LINGO2: variants seen among roughly 807,000 people sequenced by gnomAD.
LINGO2 encodes leucine-rich repeat and immunoglobulin-like domain-containing nogo receptor-interacting protein 2.
LINGO2 carries 14 observed loss-of-function variants against 30.6 expected under a neutral mutation model. That is an observed-to-expected ratio of 0.46 (90% CI 0.30 to 0.72). The LOEUF (loss-of-function observed/expected upper bound fraction) is 0.72. Among genes scored for constraint, LINGO2 ranks in the 30% least tolerant of loss-of-function variants. The pLI, the probability that LINGO2 is intolerant of heterozygous loss-of-function variation, is 0.07. For synonymous variants in LINGO2, 317 were observed against 288.5 expected, an observed-to-expected ratio of 1.10 and a Z score of -1.00; for missense variants, 729 against 751.7, an observed-to-expected ratio of 0.97 and a Z score of 0.35.
intron 4 of LINGO2, among the ~76,000 whole-genome samples, chr9:28,283,510 A>G (rs73431308): frequency 0.012 from 1,827 of 152,316 alleles, 49 homozygotes; most frequent in African/African-American, 0.041. Context: ...ATTTTATAGT[A>G]GAGCAAATAG....
At chr9:28,687,021 T>C in the LINGO2 span, among the ~76,000 whole-genome samples, 1 of 152,078 alleles carries the variant, frequency 6.6e-6, no homozygotes. Context: ...TTCAAGACAG[T>C]TACATCATTG....
intron 1 of LINGO2, among the ~76,000 whole-genome samples, chr9:28,622,924 A>G (rs1296561268): frequency 6.6e-6 from 1 of 151,876 alleles, no homozygotes; most frequent in East Asian, 1.9e-4. Flanking sequence ...ATTGATTTGT[A>G]TTTCTCTGAT....
At chr9:28,768,902 T>C in the LINGO2 span, among the ~76,000 whole-genome samples, 24 of 152,060 alleles carry the variant, frequency 1.6e-4, no homozygotes, top group African/African-American at 5.6e-4. Context: ...TATATACACA[T>C]AATGGCAGCA....
the LINGO2 span, among the ~76,000 whole-genome samples, chr9:28,853,805 C>T: frequency 6.6e-6 from 1 of 151,906 alleles, no homozygotes; most frequent in African/African-American, 2.4e-5. Context: ...ATCCAATTAC[C>T]TCCACCTGGT....
chr9:28,483,093 G>T (rs1329201702), intron 1 of LINGO2, among the ~76,000 whole-genome samples: 1 of 152,054 alleles, frequency 6.6e-6, no homozygotes, highest in African/African-American at 2.4e-5. Context: ...AACGTGCAAG[G>T]TATTGGAATC....
At chr9:29,148,724 G>C in the LINGO2 span, among the ~76,000 whole-genome samples, 1 of 151,984 alleles carries the variant, frequency 6.6e-6, no homozygotes, top group Non-Finnish European at 1.5e-5. Context: ...TCATTCTACT[G>C]GTTTATTCCT....
intron 3 of LINGO2, among the ~76,000 whole-genome samples, chr9:28,310,016 A>G (rs1824547836): frequency 6.6e-6 from 1 of 152,156 alleles, no homozygotes; most frequent in South Asian, 2.1e-4. Flanking sequence ...AGTGTTGGCA[A>G]GGGTGTGGAG....
intron 1 of LINGO2, among the ~76,000 whole-genome samples, chr9:28,531,462 A>C (rs1821235806): frequency 6.6e-6 from 1 of 152,154 alleles, no homozygotes; most frequent in African/African-American, 2.4e-5. Flanking sequence ...TATGTTTAAC[A>C]ATTTGCAACA....
intron 4 of LINGO2, among the ~76,000 whole-genome samples, chr9:28,033,939 T>C (rs1485793506): frequency 1.3e-5 from 2 of 152,196 alleles, no homozygotes; most frequent in African/African-American, 4.8e-5. Flanking sequence ...CGTTTTATTC[T>C]TGTAAACACA....
chr9:29,126,909 CT>C, the LINGO2 span, among the ~76,000 whole-genome samples: 1 of 152,082 alleles, frequency 6.6e-6, no homozygotes, highest in African/African-American at 2.4e-5. Context: ...CCCTTTGTAC[CT>C]GCCCCCACCC....
At chr9:28,942,555 C>A in the LINGO2 span, among the ~76,000 whole-genome samples, 2 of 152,294 alleles carry the variant, frequency 1.3e-5, no homozygotes, top group South Asian at 4.1e-4. Flanking sequence ...AATCTGTTTT[C>A]TCTGTCTGAG....
chr9:28,597,655 G>A (rs1166118707), intron 1 of LINGO2, among the ~76,000 whole-genome samples: 1 of 152,194 alleles, frequency 6.6e-6, no homozygotes, highest in Non-Finnish European at 1.5e-5. Flanking sequence ...TAAGCAATAA[G>A]ATATTGTATA....
intron 3 of LINGO2, among the ~76,000 whole-genome samples, chr9:28,307,106 G>A (rs1197597824): frequency 6.6e-6 from 1 of 151,988 alleles, no homozygotes; most frequent in African/African-American, 2.4e-5. Context: ...TGATACCAAA[G>A]CCCGGCAGAG....
intron 2 of LINGO2, among the ~76,000 whole-genome samples, chr9:28,455,411 C>A (rs928899022): frequency 6.6e-6 from 1 of 151,952 alleles, no homozygotes; most frequent in East Asian, 1.9e-4. Flanking sequence ...CTGAGCATTA[C>A]GATGATTCCC....
chr9:28,835,932 T>A, the LINGO2 span, among the ~76,000 whole-genome samples: 3 of 152,210 alleles, frequency 2.0e-5, no homozygotes, highest in Non-Finnish European at 4.4e-5. Context: ...CAGCTCATGA[T>A]TTCTTTGATG....
At chr9:28,361,150 G>T (rs1820423727) in intron 3 of LINGO2, among the ~76,000 whole-genome samples, 1 of 152,178 alleles carries the variant, frequency 6.6e-6, no homozygotes, top group Non-Finnish European at 1.5e-5. Context: ...TAGCTGTTTT[G>T]CTTCAGATAA....
intron 5 of LINGO2, among the ~76,000 whole-genome samples, chr9:28,005,522 ACTTGGT>A (rs1238631201): frequency 6.6e-6 from 1 of 151,972 alleles, no homozygotes; most frequent in African/African-American, 2.4e-5. Context: ...ATCCTAAGAC[ACTTGGT>A]ATTCGGTGTT....
intron 4 of LINGO2, among the ~76,000 whole-genome samples, chr9:28,062,860 C>A (rs1419570788): frequency 1.3e-5 from 2 of 151,830 alleles, no homozygotes; most frequent in African/African-American, 4.8e-5. Flanking sequence ...TCCAAAAATT[C>A]TTTCTGTACT....
At chr9:29,194,199 C>A in the LINGO2 span, among the ~76,000 whole-genome samples, 1 of 152,148 alleles carries the variant, frequency 6.6e-6, no homozygotes, top group Non-Finnish European at 1.5e-5. Context: ...TTAATGAGCA[C>A]TACTGATTCA....
Sources: allele counts gnomAD v4.1 joint callset (sites outside exome capture counted in the v4.1 genomes callset), GRCh38; gene constraint gnomAD v4.1.1; transcripts MANE v1.5; gene names NCBI Gene and HGNC (gene_info 2026-07-23, HGNC 2026-07-21).